Variants in PDE4D observed in about 807,000 individuals in gnomAD.
PDE4D encodes the protein 3',5'-cyclic-AMP phosphodiesterase 4D.
Under a neutral mutation model 87.4 loss-of-function variants are expected in PDE4D, and 24 were observed. The observed-to-expected ratio is 0.27, with a 90% CI of 0.20 to 0.39. The LOEUF is 0.39. Ranked by LOEUF, PDE4D falls within the 10% of genes least tolerant of loss-of-function variation. The pLI, the probability that PDE4D is intolerant of heterozygous loss-of-function variation, is 1.00. For missense variants in PDE4D, 714 were observed against 1,041.0 expected (o/e 0.69, Z 4.32); for synonymous variants, 384 against 383.2 (o/e 1.00, Z -0.02).
At chr5:60,248,152 A>G (rs1166707770) in intron 1 of PDE4D, among the ~76,000 whole-genome samples, 1 of 151,980 alleles carries the variant, frequency 6.6e-6, no homozygotes, top group Non-Finnish European at 1.5e-5. Context: ...TATTTTAGAT[A>G]GCATGGCCAC....
intron 6 of PDE4D, among the ~76,000 whole-genome samples, chr5:59,027,940 G>A (rs1238585240): frequency 6.6e-6 from 1 of 151,752 alleles, no homozygotes; most frequent in East Asian, 1.9e-4. Context: ...TATACTAGAT[G>A]GTAAGATGTT....
chr5:60,422,717 G>A (rs1743243227), intron 1 of PDE4D, among the ~76,000 whole-genome samples: 2 of 152,076 alleles, frequency 1.3e-5, no homozygotes, highest in Non-Finnish European at 2.9e-5. Context: ...ATGTAAATGG[G>A]CTAAATGCTC....
chr5:59,725,931 T>G (rs1756537540), intron 1 of PDE4D, among the ~76,000 whole-genome samples: 1 of 152,072 alleles, frequency 6.6e-6, no homozygotes. Context: ...TTGGCCAAAT[T>G]AGTAAACTTC....
At chr5:59,969,067 A>C (rs964617737) in intron 3 of PDE4D, among the ~76,000 whole-genome samples, 2 of 150,908 alleles carry the variant, frequency 1.3e-5, no homozygotes, top group Non-Finnish European at 3.0e-5. Flanking sequence ...TGATGCCAGA[A>C]CCTATTTGTA....
rs35043596 is a variant in PDE4D at position 59,831,326 on chromosome 5, CAAAAAAAA to C, written c.455+61834_455+61841del. On this transcript the variant is annotated intron_variant, in intron 1 of 14. Coordinates refer to ENST00000340635, the MANE Select transcript of PDE4D (RefSeq NM_001104631.2). The stretch of plus-strand genomic sequence containing the variant: ...TGCCACAGAGGTCATAAATTATTCT[CAAAAAAAA>C]AAAAAAAAAAAAACCGGGCAAATAA... Among the ~76,000 whole-genome samples the C allele has an allele frequency of 1.3e-4, 12 of 91,368 alleles. No homozygotes were observed. The South Asian group carries it at 3.5e-3, about 27-fold the overall frequency. The allele number at this position is 91,368 out of a possible 152,430, so 59.9% of individuals were successfully genotyped here.
At chr5:59,430,239 G>T in intron 1 of PDE4D, 1 of 1,228,066 alleles carries the variant, frequency 8.1e-7, no homozygotes, top group South Asian at 4.2e-5. Context: ...AGTTACCAAA[G>T]GGCAACAAAA....
intron 1 of PDE4D, among the ~76,000 whole-genome samples, chr5:60,356,702 T>C (rs1247210842): frequency 6.6e-6 from 1 of 152,224 alleles, no homozygotes; most frequent in Non-Finnish European, 1.5e-5. Context: ...GTACTGAATA[T>C]TCAAGTGAAC....
At chr5:58,986,475 C>A (rs1234503763) in intron 11 of PDE4D, among the ~76,000 whole-genome samples, 1 of 151,926 alleles carries the variant, frequency 6.6e-6, no homozygotes, top group Non-Finnish European at 1.5e-5. Flanking sequence ...GGCTGCACAG[C>A]AGGAGGTGAG....
At chr5:60,034,854 G>A (rs573167107) in intron 2 of PDE4D, among the ~76,000 whole-genome samples, 13 of 152,190 alleles carry the variant, frequency 8.5e-5, no homozygotes, top group South Asian at 8.3e-4. Context: ...CAGGGGCACT[G>A]AGCAATCAGC....
intron 3 of PDE4D, among the ~76,000 whole-genome samples, chr5:59,922,133 C>T (rs879531274): frequency 1.9e-4 from 29 of 152,120 alleles, no homozygotes; most frequent in African/African-American, 6.3e-4. Flanking sequence ...ACTCAGCTAG[C>T]GCCAGTGGAG....
intron 1 of PDE4D, among the ~76,000 whole-genome samples, chr5:60,203,132 C>T (rs1016099511): frequency 2.0e-5 from 3 of 152,150 alleles, no homozygotes; most frequent in African/African-American, 7.2e-5. Context: ...CCACTACGCT[C>T]GACTAATTTT....
Position 60,049,282 on chromosome 5 carries a change from A to G in PDE4D, c.43-60565T>C, listed in dbSNP as rs182935462. 7.9e-5 allele frequency among the ~76,000 whole-genome samples: 12 copies of G among 152,146 alleles called. No homozygotes were observed. The East Asian group carries it at 2.3e-3, about 30-fold the overall frequency. On this transcript the variant is annotated intron_variant, in intron 2 of 16. Coordinates refer to the PDE4D transcript ENST00000502484. ...ATACATTCTTCTCAATTTTTTTCAAAGTTTTCAACTTCTTTACCTTTGGTT... is the reference window on the plus strand; with the variant it reads ...ATACATTCTTCTCAATTTTTTTCAAGGTTTTCAACTTCTTTACCTTTGGTT...
At chr5:60,041,136 A>G (rs1053996151) in intron 2 of PDE4D, among the ~76,000 whole-genome samples, 1 of 152,228 alleles carries the variant, frequency 6.6e-6, no homozygotes, top group Admixed American at 6.5e-5. Context: ...TTGAGAAGCA[A>G]TATGTTCATA....
intron 1 of PDE4D, among the ~76,000 whole-genome samples, chr5:59,636,565 A>G (rs760306763): frequency 3.3e-5 from 5 of 152,206 alleles, no homozygotes; most frequent in Non-Finnish European, 7.3e-5. Flanking sequence ...TATATAGACC[A>G]ATGGAACAGA....
At chr5:60,361,125 A>T (rs1561164329) in intron 1 of PDE4D, among the ~76,000 whole-genome samples, 1 of 152,170 alleles carries the variant, frequency 6.6e-6, no homozygotes, top group Non-Finnish European at 1.5e-5. Context: ...GTGAGTGAAG[A>T]CTTAACAATA....
At chr5:59,647,110 C>G (rs1742595909) in intron 1 of PDE4D, among the ~76,000 whole-genome samples, 1 of 152,144 alleles carries the variant, frequency 6.6e-6, no homozygotes, top group Non-Finnish European at 1.5e-5. Context: ...ATAATCCTTA[C>G]TACAAAATGC....
chr5:59,931,937 GT>G (rs1256189929), intron 3 of PDE4D, among the ~76,000 whole-genome samples: 1 of 151,978 alleles, frequency 6.6e-6, no homozygotes, highest in Non-Finnish European at 1.5e-5. Flanking sequence ...TCCTGACCTC[GT>G]AATCTGCCCG....
chr5:60,233,238 A>T (rs1746022000), intron 1 of PDE4D, among the ~76,000 whole-genome samples: 1 of 151,296 alleles, frequency 6.6e-6, no homozygotes, highest in Non-Finnish European at 1.5e-5. Context: ...CACACTTATG[A>T]TCCATTCTTG....
chr5:59,130,616 G>GT (rs1357506060), intron 5 of PDE4D, among the ~76,000 whole-genome samples: 1 of 152,194 alleles, frequency 6.6e-6, no homozygotes, highest in African/African-American at 2.4e-5. Flanking sequence ...AGTGGTCTGC[G>GT]TAAGTCCTAG....
Sources: gnomAD v4.1 joint callset for allele counts (sites outside exome capture counted in the v4.1 genomes callset) on GRCh38, gnomAD v4.1.1 for gene constraint, MANE v1.5 for transcripts, NCBI Gene and HGNC (gene_info 2026-07-23, HGNC 2026-07-21) for gene names.